The following LETM2 variants were observed in gnomAD, a reference collection of about 807,000 sequenced individuals.
LETM2 encodes the protein leucine zipper and EF-hand containing transmembrane protein 2.
Under a neutral mutation model 59.6 loss-of-function variants are expected in LETM2, and 58 were observed. That is an observed-to-expected ratio of 0.97 (90% CI 0.79 to 1.21). The LOEUF (loss-of-function observed/expected upper bound fraction) is 1.21, where lower values mean the gene tolerates loss of function less well. Among genes scored for constraint, LETM2 ranks in the 50% most tolerant of loss-of-function variants. The probability of loss-of-function intolerance (pLI) is 0.00; values close to 1 mark genes in which losing one functional copy is unlikely to be tolerated. For synonymous variants in LETM2, 199 were observed against 214.1 expected, an observed-to-expected ratio of 0.93 and a Z score of 0.62; for missense variants, 572 against 575.7, an observed-to-expected ratio of 0.99 and a Z score of 0.07.
intron 4 of LETM2, among the ~76,000 whole-genome samples, chr8:38,398,174 C>T (rs990002250): frequency 4.0e-5 from 6 of 150,224 alleles, no homozygotes; most frequent in African/African-American, 1.5e-4. Flanking sequence ...AAGACAAATT[C>T]GGGATACCTT....
intron 1 of LETM2, chr8:38,386,848 G>C (rs1384748504): frequency 6.6e-6 from 1 of 152,606 alleles, no homozygotes; most frequent in African/African-American, 2.4e-5. Flanking sequence ...TTTCTCCTCG[G>C]CTTCATTTCC....
chr8:38,382,614 A>C (rs1811625711), upstream of LETM2: 2 of 152,482 alleles, frequency 1.3e-5, no homozygotes, highest in Admixed American at 1.3e-4. This position sits in a 1 kb window ranked among gnomAD's most constrained non-coding sequence, Gnocchi z 4.2. Flanking sequence ...AGTGAGGCTG[A>C]TTAAAGAACA....
chr8:38,394,385 G>T, intron 4 of LETM2, 144 bp downstream of exon 4: 1 of 484,766 alleles, frequency 2.1e-6, no homozygotes, highest in South Asian at 4.3e-5. Context: ...GCATTAGTGT[G>T]CTATATTTGT....
At chr8:38,386,969 C>G (rs1157228138) in intron 1 of LETM2, 2 of 152,432 alleles carry the variant, frequency 1.3e-5, no homozygotes, top group East Asian at 3.9e-4. Context: ...GCGCACACAT[C>G]AGGCGCGCCG....
At chr8:38,390,623 G>GAA (rs766904780) in intron 2 of LETM2, among the ~76,000 whole-genome samples, 10 of 44,836 alleles carry the variant, frequency 2.2e-4, no homozygotes, top group Non-Finnish European at 2.6e-4. Context: ...CTCTGTCTCA[G>GAA]AAAAAAAAAA....
chr8:38,406,094 T>C (rs1173211475), intron 8 of LETM2, among the ~76,000 whole-genome samples: 3 of 152,330 alleles, frequency 2.0e-5, no homozygotes, highest in Non-Finnish European at 2.9e-5. Flanking sequence ...CAGTGATATA[T>C]GTTTTTCAAA....
intron 10 of LETM2, chr8:38,407,980 AG>A: frequency 2.0e-6 from 1 of 489,812 alleles, no homozygotes; most frequent in Non-Finnish European, 3.7e-6. Context: ...CATGGCTGGC[AG>A]GACAGAGAAT....
At chr8:38,391,715 G>A (rs1585976616) in intron 2 of LETM2, among the ~76,000 whole-genome samples, 1 of 144,650 alleles carries the variant, frequency 6.9e-6, no homozygotes, top group East Asian at 2.1e-4. Context: ...TTTTTGAGAC[G>A]GTGTCTTGTT....
In LETM2 at chr8:38,391,745, G is replaced by A. The variant is rs139337684; in HGVS notation, c.48-797G>A. 2.2e-3 allele frequency among the ~76,000 whole-genome samples: 332 copies of A among 151,446 alleles called. 3 individuals carry two copies. Among genetic ancestry groups the A allele is most frequent in the Admixed American group, 3.4e-3 (52 of 15,158 alleles). On this transcript the variant is annotated intron_variant, in intron 2 of 10. Transcript: ENST00000379957. Reference sequence around the variant, plus strand: ...CTTGTTCTGTTGCCCAGGCTGGAGTGCAGTGGCATAGTCTTGTCTCACTGC... The same window carrying A: ...CTTGTTCTGTTGCCCAGGCTGGAGTACAGTGGCATAGTCTTGTCTCACTGC...
chr8:38,408,935 G>A lies in LETM2; in HGVS notation c.*661G>A, dbSNP rs1813967488. ...GGCAGCCACTCTTCTAGCACATATG[G>A]CTTTCATTAGCCACCATTTTGCTAG... On this transcript the variant is annotated 3_prime_UTR_variant, in exon 11 of 11. Coordinates refer to ENST00000379957, the MANE Select transcript of LETM2 (RefSeq NM_001286819.2). The A allele has an allele frequency of 6.6e-6, 1 of 152,240 alleles. No individual in the cohort carries two copies. The highest frequency in any genetic ancestry group is 2.4e-5 in the African/African-American group (1 of 41,438). The allele number at this position is 152,240 out of a possible 1,614,324, so 9.4% of individuals were successfully genotyped here.
chr8:38,402,792 TTGA>T (rs1813349597), intron 7 of LETM2, 148 bp downstream of exon 7: 2 of 754,400 alleles, frequency 2.7e-6, no homozygotes. Context: ...AAGGACTAGG[TTGA>T]TTTTTCACTT....
chr8:38,392,538 C>G lies in LETM2; in HGVS notation c.48-4C>G. ...AACTCAGAGGATGTTGCTTTTTATT[C>G]CAGATTCCCTAGCCATTTTGTCCAT... On this transcript the variant is annotated splice_polypyrimidine_tract_variant and splice_region_variant and intron_variant, in intron 2 of 10. Transcript: ENST00000379957. 6.3e-7 allele frequency: 1 copy of G among 1,589,052 alleles called. No homozygotes were observed. The highest frequency in any genetic ancestry group is 1.1e-5 in the South Asian group (1 of 90,320).
At position 38,400,950 on chromosome 8, in the gene LETM2, T is replaced by A; in HGVS notation, c.881T>A (p.Leu294Gln). 6.2e-7 allele frequency: 1 copy of A among 1,614,140 alleles called. No homozygotes were observed. Among genetic ancestry groups the A allele is most frequent in the Non-Finnish European group, 8.5e-7 (1 of 1,179,968 alleles). ...CTGGAACACTTAGATCGCCCTCAGCTGGTTGCCCTTTGCAAACTGCTGGAA... is the reference window on the plus strand; with the variant it reads ...CTGGAACACTTAGATCGCCCTCAGCAGGTTGCCCTTTGCAAACTGCTGGAA... ...LALEHLDRPQ[L>Q]VALCKLLELQ... Residue 294 changes from leucine (L) to glutamine (Q), a missense_variant, in exon 6 of 11, where the codon CTG becomes CAG. By Grantham distance (113) the Leu-to-Gln change is moderately radical. Transcript: ENST00000379957.
chr8:38,398,408 A>G (rs535894818), intron 4 of LETM2, among the ~76,000 whole-genome samples: 1 of 152,340 alleles, frequency 6.6e-6, no homozygotes, highest in Non-Finnish European at 1.5e-5. Flanking sequence ...TCATGGCCAC[A>G]GTCTCAGAAA....
intron 2 of LETM2, among the ~76,000 whole-genome samples, chr8:38,389,047 T>TGAGCCACC (rs1261377325): frequency 6.6e-6 from 1 of 152,118 alleles, no homozygotes; most frequent in Admixed American, 6.5e-5. Flanking sequence ...ATTAAAGGCG[T>TGAGCCACC]GAGCCACTGT....
At chr8:38,405,814 T>C (rs1233199736) in intron 8 of LETM2, among the ~76,000 whole-genome samples, 1 of 152,238 alleles carries the variant, frequency 6.6e-6, no homozygotes, top group Non-Finnish European at 1.5e-5. Flanking sequence ...ATCTGGGTTC[T>C]CAGAATTATT....
At chr8:38,393,984 A>C in intron 3 of LETM2, 114 bp from the exon 4 acceptor site, 4 of 880,638 alleles carry the variant, frequency 4.5e-6, no homozygotes, top group South Asian at 5.1e-5. Context: ...GTGAGACACT[A>C]TCTCTTGAAA....
intron 8 of LETM2, among the ~76,000 whole-genome samples, chr8:38,405,958 T>C (rs539734796): frequency 1.3e-5 from 2 of 152,352 alleles, no homozygotes; most frequent in African/African-American, 4.8e-5. Flanking sequence ...CTATTCTCCA[T>C]GTATATATAC....
intron 1 of LETM2, among the ~76,000 whole-genome samples, chr8:38,387,712 C>G (rs1265866099): frequency 6.6e-6 from 1 of 151,632 alleles, no homozygotes; most frequent in Non-Finnish European, 1.5e-5. Context: ...AAGATTGTAC[C>G]ATCTTCATGA....
Sources: gnomAD v4.1 joint callset for allele counts (sites outside exome capture counted in the v4.1 genomes callset) on GRCh38, gnomAD v4.1.1 for gene constraint, Gnocchi (gnomAD v3.1) non-coding constraint, MANE v1.5 for transcripts, NCBI Gene and HGNC (gene_info 2026-07-23, HGNC 2026-07-21) for gene names.